The following STAG1 variants were observed in gnomAD, a reference collection of about 807,000 sequenced individuals.
The protein encoded by STAG1 is STAG1 cohesin complex component.
Under a neutral mutation model 170.9 loss-of-function variants are expected in STAG1, and 26 were observed. The ratio of observed to expected loss-of-function variants is 0.15; its 90% CI spans 0.11 to 0.21. The LOEUF is 0.21. STAG1 is among the 10% of genes least tolerant of loss of function. The pLI is 1.00. For missense variants in STAG1, 964 were observed against 1,509.5 expected, an observed-to-expected ratio of 0.64 and a Z score of 5.99; for synonymous variants, 514 against 497.7, an observed-to-expected ratio of 1.03 and a Z score of -0.44.
chr3:136,685,794 G>A (rs142510710), intron 1 of STAG1, among the ~76,000 whole-genome samples: 3 of 152,242 alleles, frequency 2.0e-5, no homozygotes, highest in South Asian at 2.1e-4. Context: ...CTAGTATGCC[G>A]AGTATCAAAA....
intron 1 of STAG1, among the ~76,000 whole-genome samples, chr3:136,724,827 A>G (rs994681343): frequency 4.6e-5 from 7 of 152,212 alleles, no homozygotes; most frequent in Non-Finnish European, 1.0e-4. Flanking sequence ...TTAAGAAAAT[A>G]AAGGCAGGAG....
intron 22 of STAG1, among the ~76,000 whole-genome samples, chr3:136,382,560 G>A (rs1461883654): frequency 1.3e-5 from 2 of 151,832 alleles, no homozygotes; most frequent in African/African-American, 2.4e-5. Flanking sequence ...CCACTGCCAC[G>A]CCCAGCTACT....
At chr3:136,740,003 C>A (rs1355589880) in intron 1 of STAG1, among the ~76,000 whole-genome samples, 1 of 152,138 alleles carries the variant, frequency 6.6e-6, no homozygotes, top group Non-Finnish European at 1.5e-5. Flanking sequence ...AGATTTCACA[C>A]AGATTCCACA....
intron 1 of STAG1, among the ~76,000 whole-genome samples, chr3:136,653,974 T>C (rs1168498515): frequency 6.6e-6 from 1 of 151,944 alleles, no homozygotes; most frequent in Non-Finnish European, 1.5e-5. Context: ...ACTAGCAACA[T>C]AAGGGAATTT....
chr3:136,532,599 A>C (rs1935427834), intron 6 of STAG1, among the ~76,000 whole-genome samples: 1 of 152,170 alleles, frequency 6.6e-6, no homozygotes, highest in Non-Finnish European at 1.5e-5. Flanking sequence ...TAAGGCATTC[A>C]AGGATGGTTT....
chr3:136,503,688 A>G (rs542842450), intron 7 of STAG1, among the ~76,000 whole-genome samples: 95 of 152,290 alleles, frequency 6.2e-4, no homozygotes, highest in African/African-American at 2.2e-3. Flanking sequence ...ATCTGCAAAC[A>G]TATCCATATA....
chr3:136,338,225 GT>G lies in STAG1; in HGVS notation c.*28del. On this transcript the variant is annotated 3_prime_UTR_variant, in exon 34 of 34. Transcript: ENST00000383202. ...TAGGCCTCTAGCTCTAAATAATAGA[GT>G]TCCAGATTTGTAAATTTTCTTCAGA... The G allele has an allele frequency of 6.5e-7, 1 of 1,544,684 alleles. No homozygotes were observed. Among genetic ancestry groups the G allele is most frequent in the Non-Finnish European group, 8.9e-7 (1 of 1,119,660 alleles).
chr3:136,341,430 G>GT lies in STAG1; in HGVS notation c.3557+10dup, dbSNP rs1488599632. On this transcript the variant is annotated intron_variant, in intron 31 of 33. Coordinates refer to ENST00000383202, the MANE Select transcript of STAG1 (RefSeq NM_005862.3). ...TTGTTATGTTCTTGTGATACTCCAT[G>GT]TAACACTTACACAGCATGCCTCACT... 6.5e-7 allele frequency: 1 copy of GT among 1,543,838 alleles called. No homozygotes were observed. The highest frequency in any genetic ancestry group is 8.9e-7 in the Non-Finnish European group (1 of 1,118,032).
chr3:136,393,309 T>C (rs577246660), intron 22 of STAG1, among the ~76,000 whole-genome samples: 2 of 152,304 alleles, frequency 1.3e-5, no homozygotes, highest in Admixed American at 6.5e-5. Flanking sequence ...CATATACTGT[T>C]AGTCCTGGCA....
At chr3:136,600,139 T>C (rs935216069) in intron 4 of STAG1, among the ~76,000 whole-genome samples, 2 of 152,194 alleles carry the variant, frequency 1.3e-5, no homozygotes, top group African/African-American at 4.8e-5. Context: ...TTAATAAAAA[T>C]AGCCATGCAA....
At chr3:136,475,943 G>GT (rs1553728326) in intron 10 of STAG1, among the ~76,000 whole-genome samples, 1 of 152,130 alleles carries the variant, frequency 6.6e-6, no homozygotes, top group Non-Finnish European at 1.5e-5. Context: ...GCACTAAATT[G>GT]TAAGTGTGAC....
At chr3:136,394,938 CAAAAAAAAAA>C (rs778204800) in intron 22 of STAG1, among the ~76,000 whole-genome samples, 3 of 59,318 alleles carry the variant, frequency 5.1e-5, no homozygotes, top group African/African-American at 1.1e-4. Context: ...GACTCTGTCT[CAAAAAAAAAA>C]AAAAAAAAAA....
chr3:136,590,222 C>T (rs928511207), intron 4 of STAG1, among the ~76,000 whole-genome samples: 3 of 152,140 alleles, frequency 2.0e-5, no homozygotes, highest in South Asian at 2.1e-4. Flanking sequence ...CGGTGGCTCA[C>T]GCCTGTAATC....
intron 1 of STAG1, among the ~76,000 whole-genome samples, chr3:136,749,948 A>G (rs1935143293): frequency 1.3e-5 from 2 of 151,970 alleles, no homozygotes; most frequent in South Asian, 2.1e-4. Flanking sequence ...CCCCCTAAAT[A>G]AAGATATAAA....
intron 1 of STAG1, among the ~76,000 whole-genome samples, chr3:136,651,621 C>T (rs1407287421): frequency 6.6e-6 from 1 of 151,946 alleles, no homozygotes; most frequent in Non-Finnish European, 1.5e-5. Flanking sequence ...CATGCTAGAT[C>T]AGTATATATT....
intron 22 of STAG1, among the ~76,000 whole-genome samples, chr3:136,398,315 A>C (rs925501403): frequency 6.6e-6 from 1 of 151,998 alleles, no homozygotes; most frequent in African/African-American, 2.4e-5. Context: ...ATGGAGTTTC[A>C]CCATATTGGC....
chr3:136,575,042 A>C (rs1937404754), intron 4 of STAG1, among the ~76,000 whole-genome samples: 6 of 152,196 alleles, frequency 3.9e-5, no homozygotes, highest in Admixed American at 3.9e-4. Flanking sequence ...ATGTCCCCAA[A>C]TGTTTGGTAA....
intron 6 of STAG1, among the ~76,000 whole-genome samples, chr3:136,530,217 A>AG (rs1935303722): frequency 6.6e-6 from 1 of 152,208 alleles, no homozygotes; most frequent in South Asian, 2.1e-4. Flanking sequence ...CCAACAGTGG[A>AG]GCATCCAGAT....
intron 9 of STAG1, among the ~76,000 whole-genome samples, chr3:136,490,062 A>G (rs1018333365): frequency 6.6e-6 from 1 of 152,070 alleles, no homozygotes; most frequent in African/African-American, 2.4e-5. Context: ...TTTTTTTGGG[A>G]CATAATCTTA....
Sources: allele counts gnomAD v4.1 joint callset (sites outside exome capture counted in the v4.1 genomes callset), GRCh38; gene constraint gnomAD v4.1.1; transcripts MANE v1.5; gene names NCBI Gene and HGNC (gene_info 2026-07-23, HGNC 2026-07-21).